The following ZNF226 variants were observed in gnomAD, a reference collection of about 807,000 sequenced individuals.
ZNF226 encodes zinc finger protein 226.
In ZNF226, 6 loss-of-function variants were observed where a neutral mutation model predicts 11.4. The ratio of observed to expected loss-of-function variants is 0.53; its 90% confidence interval spans 0.29 to 1.04. The LOEUF is 1.04. Ranked by LOEUF, ZNF226 falls within the 50% of genes least tolerant of loss-of-function variation. The pLI is 0.08. For missense variants in ZNF226, 1,058 were observed against 956.5 expected (o/e 1.11, Z -1.40); for synonymous variants, 350 against 322.8 (o/e 1.08, Z -0.90).
rs762830100 is a variant in ZNF226, at chr19:44,172,971, T to C, written c.235+19T>C. 1.1e-5 allele frequency: 18 copies of C among 1,567,988 alleles called. No individual in the cohort carries two copies. In the Admixed American group the frequency reaches 2.4e-4, roughly 21 times the overall value. ...AATTTAGGTAAAAACCAAACAGTTA[T>C]GAGTTCTTATAGTTAACTGTCCATC... On this transcript the variant is annotated intron_variant, in intron 5 of 5. Coordinates refer to ENST00000337433, the MANE Select transcript of ZNF226 (RefSeq NM_001032373.2).
At chr19:44,180,354 G>A (rs76553746), downstream of ZNF226, among the ~76,000 whole-genome samples, 5,505 of 152,174 alleles carry the variant, frequency 0.036, 177 homozygotes, top group South Asian at 0.082. Flanking sequence ...ATATCTGTGA[G>A]GTTTCCACAA....
chr19:44,179,692 T>C (rs1368670711), downstream of ZNF226, among the ~76,000 whole-genome samples: 1 of 152,158 alleles, frequency 6.6e-6, no homozygotes, highest in African/African-American at 2.4e-5. Context: ...GGGCACTGGC[T>C]TGTCTTTTCA....
chr19:44,192,825 A>G, the ZNF226 span, among the ~76,000 whole-genome samples: 4 of 152,212 alleles, frequency 2.6e-5, no homozygotes, highest in Non-Finnish European at 5.9e-5. Context: ...TTTAACTAAA[A>G]TCACATAAAT....
the ZNF226 span, among the ~76,000 whole-genome samples, chr19:44,183,608 CAG>C: frequency 1.2e-4 from 19 of 152,172 alleles, no homozygotes; most frequent in Non-Finnish European, 2.4e-4. Flanking sequence ...AATAGGGTGA[CAG>C]ATGTTGCAGC....
chr19:44,166,712 T>G (rs895920132), intron 2 of ZNF226: 3 of 152,078 alleles, frequency 2.0e-5, no homozygotes, highest in Non-Finnish European at 2.9e-5. Flanking sequence ...TAGGGGCTGT[T>G]TTGGGAGAGG....
Position 44,175,618 on chromosome 19 carries a change from TC to T in ZNF226, c.357del (p.Asn120IlefsTer15). ...TTAACCAGGTGTCAAGACTCCATGA[TC>T]AATAATTCTCAGTGTCACAAACAAG... ...NDLTRCQDSM[I>X]NNSQCHKQGD... On this transcript the variant is annotated frameshift_variant, in exon 6 of 6. Coordinates refer to ENST00000337433, the MANE Select transcript of ZNF226 (RefSeq NM_001032373.2). LOFTEE classifies it low-confidence loss of function (END_TRUNC). The T allele has an allele frequency of 6.2e-7, 1 of 1,613,896 alleles. No individual in the cohort carries two copies. The highest frequency in any genetic ancestry group is 1.3e-5 in the African/African-American group (1 of 75,052).
At chr19:44,182,799 CA>C (rs1287322377), downstream of ZNF226, among the ~76,000 whole-genome samples, 1 of 152,134 alleles carries the variant, frequency 6.6e-6, no homozygotes, top group Non-Finnish European at 1.5e-5. Flanking sequence ...CAATGATCAG[CA>C]AAGTCAAAGG....
At chr19:44,180,478 C>T (rs944579597), downstream of ZNF226, among the ~76,000 whole-genome samples, 4 of 152,084 alleles carry the variant, frequency 2.6e-5, no homozygotes, top group African/African-American at 4.8e-5. Flanking sequence ...CCTGAGTCTT[C>T]GATGTTTAGT....
chr19:44,165,998 C>G (rs1350994574), intron 2 of ZNF226, among the ~76,000 whole-genome samples, 191 bp downstream of exon 2: 2 of 152,148 alleles, frequency 1.3e-5, no homozygotes, highest in Non-Finnish European at 2.9e-5. Flanking sequence ...TCCGAGGAGA[C>G]TGAGACATAA....
At chr19:44,197,455 G>T in the ZNF226 span, among the ~76,000 whole-genome samples, 1 of 152,142 alleles carries the variant, frequency 6.6e-6, no homozygotes, top group Non-Finnish European at 1.5e-5. Flanking sequence ...AAGAAGTAGA[G>T]TATAATGCTG....
At chr19:44,190,595 A>G in the ZNF226 span, among the ~76,000 whole-genome samples, 5 of 152,104 alleles carry the variant, frequency 3.3e-5, no homozygotes, top group African/African-American at 1.2e-4. Flanking sequence ...TCGGCCTCCC[A>G]AAGTGCTGGG....
At chr19:44,180,771 T>C (rs998279833), downstream of ZNF226, among the ~76,000 whole-genome samples, 12 of 152,122 alleles carry the variant, frequency 7.9e-5, no homozygotes, top group East Asian at 1.9e-4. Flanking sequence ...AAATGATTTG[T>C]CTCCCATAAC....
At chr19:44,195,663 T>G in the ZNF226 span, among the ~76,000 whole-genome samples, 1 of 152,198 alleles carries the variant, frequency 6.6e-6, no homozygotes, top group Non-Finnish European at 1.5e-5. Context: ...TTAACCAAAG[T>G]ATTTTTGTAT....
the ZNF226 span, among the ~76,000 whole-genome samples, chr19:44,196,790 T>C: frequency 6.6e-6 from 1 of 152,208 alleles, no homozygotes; most frequent in Non-Finnish European, 1.5e-5. Flanking sequence ...AACAGTTCCA[T>C]TTCAGTAGTG....
the ZNF226 span, among the ~76,000 whole-genome samples, chr19:44,192,367 A>G: frequency 2.0e-5 from 3 of 152,276 alleles, no homozygotes; most frequent in East Asian, 5.8e-4. Context: ...AGCTGACTCC[A>G]AAGTTGAGGG....
At position 44,167,546 on chromosome 19, in the gene ZNF226, C is replaced by A. The variant is rs550302353; in HGVS notation, c.-47+1739C>A. ...TGTTTGCCAGGCTGGTCTCGAACTC[C>A]TGACCTCAGGTGATCCACCCACCTC... On this transcript the variant is annotated intron_variant, in intron 2 of 5. Transcript: ENST00000337433. 2.9e-4 allele frequency among the ~76,000 whole-genome samples: 44 copies of A among 152,206 alleles called. 1 individual carries two copies. The highest frequency in any genetic ancestry group is 1.0e-3 in the African/African-American group (43 of 41,530).
Position 44,175,858 on chromosome 19 carries a change from G to T in ZNF226, c.596G>T (p.Cys199Phe). ...QISIKNKLCQ[C>F]KKGVDPIGWI... ...TCCATAAAAAATAAATTATGTCAAT[G>T]TAAGAAGGGTGTTGATCCCATCGGT... The change falls in exon 6 of 6, where the codon TGT (cysteine) becomes TTT (phenylalanine). Residue 199 changes from cysteine (C) to phenylalanine (F), a missense_variant. Transcript: ENST00000337433. 2 of 1,613,662 alleles carry T rather than the reference G, an allele frequency of 1.2e-6. No homozygotes were observed. The highest frequency in any genetic ancestry group is 1.7e-6 in the Non-Finnish European group (2 of 1,179,780).
chr19:44,188,882 A>G, the ZNF226 span, among the ~76,000 whole-genome samples: 1 of 152,238 alleles, frequency 6.6e-6, no homozygotes, highest in African/African-American at 2.4e-5. Context: ...TGAAGACAAG[A>G]GTTTTATAAG....
chr19:44,170,729 G>T (rs923069145), intron 3 of ZNF226, among the ~76,000 whole-genome samples: 3 of 151,926 alleles, frequency 2.0e-5, no homozygotes, highest in Non-Finnish European at 4.4e-5. Flanking sequence ...GCGAGACTCC[G>T]TCTCAAAAAA....
Sources: gnomAD v4.1 joint callset for allele counts (sites outside exome capture counted in the v4.1 genomes callset) on GRCh38, gnomAD v4.1.1 for gene constraint, MANE v1.5 for transcripts, NCBI Gene and HGNC (gene_info 2026-07-23, HGNC 2026-07-21) for gene names.